The following HAPLN1 variants were observed in gnomAD, a reference collection of about 807,000 sequenced individuals.
HAPLN1 encodes hyaluronan and proteoglycan link protein 1.
A neutral mutation model predicts 36.5 loss-of-function variants in HAPLN1; 13 were observed. The ratio of observed to expected loss-of-function variants is 0.36; its 90% CI spans 0.23 to 0.57. HAPLN1 has a LOEUF of 0.57. HAPLN1 is among the 20% of genes least tolerant of loss of function. The probability of loss-of-function intolerance (pLI) is 0.83; values close to 1 mark genes in which losing one functional copy is unlikely to be tolerated. For synonymous variants in HAPLN1, 202 were observed against 169.8 expected (o/e 1.19, Z -1.48); for missense variants, 407 against 439.7 (o/e 0.93, Z 0.66).
At chr5:83,669,185 TA>T (rs1303232293) in intron 2 of HAPLN1, among the ~76,000 whole-genome samples, 1 of 152,102 alleles carries the variant, frequency 6.6e-6, no homozygotes, top group African/African-American at 2.4e-5. Flanking sequence ...ACCAGGAAAG[TA>T]AAAATGGTCA....
intron 2 of HAPLN1, among the ~76,000 whole-genome samples, chr5:83,665,103 CCATATAATACTG>C (rs1340482852): frequency 9.2e-5 from 14 of 151,610 alleles, no homozygotes; most frequent in Non-Finnish European, 4.4e-5. Context: ...TGTTCATAAC[CCATATAATACTG>C]GAGAAGAAAA....
intron 1 of HAPLN1, among the ~76,000 whole-genome samples, chr5:83,701,692 C>T (rs1360152603): frequency 6.6e-6 from 1 of 152,162 alleles, no homozygotes; most frequent in African/African-American, 2.4e-5. Flanking sequence ...AATCCCAGCA[C>T]TTTGGGAGGC....
chr5:83,693,877 A>G (rs1580155709), intron 1 of HAPLN1, among the ~76,000 whole-genome samples: 1 of 151,908 alleles, frequency 6.6e-6, no homozygotes. Context: ...CCCTTTATCA[A>G]CAATTGATGG....
chr5:83,666,269 A>G (rs1174420811), intron 2 of HAPLN1, among the ~76,000 whole-genome samples: 3 of 152,164 alleles, frequency 2.0e-5, no homozygotes, highest in Non-Finnish European at 4.4e-5. Flanking sequence ...GAGAATCAAC[A>G]TGTTGAAATC....
intron 1 of HAPLN1, chr5:83,686,142 C>CAAAAAAAAAAAAA (rs535353958): frequency 3.7e-5 from 3 of 81,642 alleles, no homozygotes; most frequent in Non-Finnish European, 4.7e-5. Context: ...AAAATGTAGC[C>CAAAAAAAAAAAAA]AAAAAAAAAA....
At chr5:83,654,391 C>G (rs1561303470) in intron 2 of HAPLN1, among the ~76,000 whole-genome samples, 1 of 152,138 alleles carries the variant, frequency 6.6e-6, no homozygotes, top group Non-Finnish European at 1.5e-5. Flanking sequence ...TATTTAGGAC[C>G]ATAGAATCTC....
chr5:83,645,303 C>A (rs1309959159), intron 3 of HAPLN1, among the ~76,000 whole-genome samples: 3 of 152,030 alleles, frequency 2.0e-5, no homozygotes, highest in Admixed American at 1.3e-4. Context: ...AGATAAGTAA[C>A]CTTCACTTAG....
intron 2 of HAPLN1, among the ~76,000 whole-genome samples, chr5:83,661,999 A>T (rs1750412271): frequency 6.6e-6 from 1 of 152,118 alleles, no homozygotes; most frequent in Non-Finnish European, 1.5e-5. Flanking sequence ...AAGCTATGTA[A>T]CCTTTCTCAA....
intron 2 of HAPLN1, among the ~76,000 whole-genome samples, chr5:83,660,301 C>T (rs1240343363): frequency 1.3e-5 from 2 of 152,156 alleles, no homozygotes; most frequent in South Asian, 2.1e-4. Context: ...ATGTTATGAT[C>T]CATGTTTCAT....
chr5:83,705,991 T>C (rs1430968141), intron 1 of HAPLN1, among the ~76,000 whole-genome samples: 3 of 150,318 alleles, frequency 2.0e-5, no homozygotes, highest in African/African-American at 7.4e-5. Flanking sequence ...AAAAGATGGA[T>C]AAATTTCTGG....
intron 3 of HAPLN1, among the ~76,000 whole-genome samples, chr5:83,651,788 T>C (rs570032210): frequency 5.9e-5 from 9 of 152,258 alleles, no homozygotes; most frequent in African/African-American, 1.7e-4. Context: ...AGGGTGGACA[T>C]TGGGCAGAGG....
chr5:83,642,360 G>T (rs1285053796), intron 4 of HAPLN1, among the ~76,000 whole-genome samples: 1 of 152,302 alleles, frequency 6.6e-6, no homozygotes, highest in Non-Finnish European at 1.5e-5. Flanking sequence ...TACGTACTTA[G>T]AATGTAAACC....
Position 83,638,559 on chromosome 5 carries a change from C to A in HAPLN1, c.*2937G>T, listed in dbSNP as rs372887716. 6 of 152,002 alleles carry A rather than the reference C, an allele frequency of 3.9e-5. No homozygotes were observed. The highest frequency in any genetic ancestry group is 1.4e-4 in the African/African-American group (6 of 41,416). The allele number at this position is 152,002 out of a possible 1,614,324, so 9.4% of individuals were successfully genotyped here. ...GTGGTCAGCTACTCCATGAGACCAC[C>A]ATATTCTTTGGAGTACTAAAATCAA... On this transcript the variant is annotated 3_prime_UTR_variant, in exon 5 of 5. Transcript: ENST00000274341.
chr5:83,704,192 C>G (rs145795561), intron 1 of HAPLN1, among the ~76,000 whole-genome samples: 79 of 151,900 alleles, frequency 5.2e-4, no homozygotes, highest in Middle Eastern at 6.8e-3. Flanking sequence ...AGATCTTTTT[C>G]AGATATGCAA....
chr5:83,704,682 T>C (rs2085450), intron 1 of HAPLN1, among the ~76,000 whole-genome samples: 17,329 of 152,118 alleles, frequency 0.11, 1,597 homozygotes, highest in African/African-American at 0.25. Flanking sequence ...TAATAAGGTG[T>C]TCAATTCACC....
chr5:83,700,343 G>T (rs955643921), intron 1 of HAPLN1, among the ~76,000 whole-genome samples: 3 of 152,170 alleles, frequency 2.0e-5, no homozygotes, highest in African/African-American at 7.2e-5. Flanking sequence ...ATGCCTGAAG[G>T]ACCCTTTTCC....
intron 1 of HAPLN1, among the ~76,000 whole-genome samples, chr5:83,691,233 G>C (rs1490473509): frequency 6.6e-6 from 1 of 151,950 alleles, no homozygotes; most frequent in African/African-American, 2.4e-5. Context: ...GAAAATTGAC[G>C]GTTCCTAGAG....
chr5:83,707,414 TC>T (rs1403579484), intron 1 of HAPLN1, among the ~76,000 whole-genome samples: 1 of 151,698 alleles, frequency 6.6e-6, no homozygotes, highest in Admixed American at 6.6e-5. Flanking sequence ...GAATAGAAAG[TC>T]CCCAAACAAG....
intron 2 of HAPLN1, among the ~76,000 whole-genome samples, chr5:83,655,682 T>C (rs1484489757): frequency 2.5e-5 from 3 of 118,482 alleles, no homozygotes; most frequent in Non-Finnish European, 5.7e-5. Context: ...ATGTTTTTGT[T>C]TGTTTGTTTG....
Sources: allele counts gnomAD v4.1 joint callset (sites outside exome capture counted in the v4.1 genomes callset), GRCh38; gene constraint gnomAD v4.1.1; transcripts MANE v1.5; gene names NCBI Gene and HGNC (gene_info 2026-07-23, HGNC 2026-07-21).